Variants in ACKR4 observed in about 807,000 individuals in gnomAD.
The protein encoded by ACKR4 is atypical chemokine receptor 4.
A neutral mutation model predicts 8.5 loss-of-function variants in ACKR4; 2 were observed. That is an observed-to-expected ratio of 0.23 (90% CI 0.10 to 0.74). ACKR4 has a LOEUF of 0.74. Ranked by LOEUF, ACKR4 falls within the 30% of genes least tolerant of loss-of-function variation. The pLI is 0.75. For synonymous variants in ACKR4, 67 were observed against 145.0 expected (o/e 0.46, Z 3.86); for missense variants, 167 against 422.1 (o/e 0.40, Z 5.30).
In ACKR4 at chr3:132,598,534, C is replaced by T. The variant is rs576107556; in HGVS notation, c.-10+1211C>T. 4.6e-5 allele frequency among the ~76,000 whole-genome samples: 7 copies of T among 152,324 alleles called. No homozygotes were observed. The South Asian group carries it at 1.0e-3, about 23-fold the overall frequency. On this transcript the variant is annotated intron_variant, in intron 1 of 1. Coordinates refer to ENST00000249887, the MANE Select transcript of ACKR4 (RefSeq NM_016557.4). ...TAGAGGAACAAGGTAGTATGGGAAA[C>T]GCATCCTTTCCACAGAATGGATCAG...
chr3:132,602,602 CCTA>C lies in ACKR4; in HGVS notation c.*1156_*1158del, dbSNP rs1238308877. On this transcript the variant is annotated 3_prime_UTR_variant, in exon 2 of 2. Transcript: ENST00000249887. ...ATTATTATAATCCATGTAATATGCT[CCTA>C]CTAAAATTAAATTTTGCTAGCAATT... Among the ~76,000 whole-genome samples, 1 of 151,966 alleles carries C rather than the reference CCTA, an allele frequency of 6.6e-6. No individual in the cohort carries two copies. The highest frequency in any genetic ancestry group is 1.5e-5 in the Non-Finnish European group (1 of 67,990).
intron 1 of ACKR4, 88 bp from the exon 2 acceptor site, chr3:132,600,301 A>G: frequency 8.7e-7 from 1 of 1,149,310 alleles, no homozygotes; most frequent in East Asian, 2.6e-5. Flanking sequence ...GCTATACTCT[A>G]GGGAAAGAAC....
rs537701630 is a variant in ACKR4 at position 132,598,064 on chromosome 3, C to T, written c.-10+741C>T. ...CAAAAAAAGTTAGCAAACATAAGAA[C>T]ATTTCTTTTGAAAATGTACTATAAG... On this transcript the variant is annotated intron_variant, in intron 1 of 1. Transcript: ENST00000249887. Among the ~76,000 whole-genome samples, 9 of 152,136 alleles carry T rather than the reference C, an allele frequency of 5.9e-5. No homozygotes were observed. In the South Asian group the frequency reaches 1.9e-3, roughly 32 times the overall value.
rs150769513 is a variant in ACKR4, at chr3:132,601,048, G to T, written c.651G>T (p.Gly217=). 1.4e-5 allele frequency: 22 copies of T among 1,613,804 alleles called. No homozygotes were observed. The African/African-American group carries it at 2.8e-4, about 21-fold the overall frequency. The change falls in exon 2 of 2, where the codon GGG becomes GGT. Residue 217 remains glycine (G), a synonymous_variant. Coordinates refer to ENST00000249887, the MANE Select transcript of ACKR4 (RefSeq NM_016557.4). ...TTGTAGTACCCTTTCTTATTATGGG[G>T]GTGTGCTACTTTATCACAGCAAGGA... ...IGFVVPFLIM[G]VCYFITARTL... is the part of the protein sequence containing the mutation.
Position 132,600,907 on chromosome 3 carries a change from A to G in ACKR4, c.510A>G (p.Ile170Met), listed in dbSNP as rs1465632117. 1.2e-6 allele frequency: 2 copies of G among 1,612,186 alleles called. No individual in the cohort carries two copies. The highest frequency in any genetic ancestry group is 2.2e-5 in the South Asian group (2 of 90,830). ...GGATGGCTGCCATCTTGCTGAGCAT[A>G]CCCCAGCTGGTTTTTTATACAGTAA... ...CVWMAAILLS[I>M]PQLVFYTVND... The change falls in exon 2 of 2, where the codon ATA becomes ATG. Residue 170 changes from isoleucine (I) to methionine (M), a missense_variant. Ile to Met is a conservative substitution (Grantham distance 10). Coordinates refer to ENST00000249887, the MANE Select transcript of ACKR4 (RefSeq NM_016557.4).
At position 132,601,100 on chromosome 3, in the gene ACKR4, A is replaced by G. The variant is rs1287863044; in HGVS notation, c.703A>G (p.Ile235Val). 8.1e-6 allele frequency: 13 copies of G among 1,613,752 alleles called. No individual in the cohort carries two copies. Among genetic ancestry groups the G allele is most frequent in the Middle Eastern group, 1.6e-4 (1 of 6,078 alleles). The change falls in exon 2 of 2, where the codon ATA (isoleucine) becomes GTA (valine). Residue 235 changes from isoleucine (I) to valine (V), a missense_variant. This residue lies in a region of ACKR4 where 149 missense variants were observed against 281.9 expected (regional missense o/e 0.53). Coordinates refer to ENST00000249887, the MANE Select transcript of ACKR4 (RefSeq NM_016557.4). ...ACTCATGAAGATGCCAAACATTAAA[A>G]TATCTCGACCCCTAAAAGTTCTGCT... is the stretch of plus-strand genomic sequence containing the variant. ...RTLMKMPNIK[I>V]SRPLKVLLTV... is the part of the protein sequence containing the mutation.
rs1007852470 is a variant in ACKR4 at position 132,602,292 on chromosome 3, A to G, written c.*842A>G. On this transcript the variant is annotated 3_prime_UTR_variant, in exon 2 of 2. Transcript: ENST00000249887. Reference sequence around the variant, plus strand: ...TTGCTTCTATGATGTCAACTTTCTTACTAATAACTGGTTATCATGACAAAT... The same window carrying G: ...TTGCTTCTATGATGTCAACTTTCTTGCTAATAACTGGTTATCATGACAAAT... The G allele has an allele frequency of 6.0e-6, 1 of 166,968 alleles. No individual in the cohort carries two copies. Among genetic ancestry groups the G allele is most frequent in the East Asian group, 1.9e-4 (1 of 5,200 alleles). 10.3% of individuals were successfully genotyped at this position (166,968 alleles called of 1,614,324 possible).
chr3:132,600,425 G>C lies in ACKR4; in HGVS notation c.28G>C (p.Asp10His), dbSNP rs761684366. Reference sequence around the variant, plus strand: ...GGCTTTGGAACAGAACCAGTCAACAGATTATTATTATGAGGAAAATGAAAT... The same window carrying C: ...GGCTTTGGAACAGAACCAGTCAACACATTATTATTATGAGGAAAATGAAAT... The part of the protein sequence containing the change: MALEQNQST[D>H]YYYEENEMNG... Residue 10 changes from aspartate to histidine, a missense_variant, in exon 2 of 2, where the codon GAT (aspartate) becomes CAT (histidine). Physicochemically the swap from Asp to His is moderately conservative, Grantham distance 81. Around this residue, in one of 2 missense-constraint regions of ACKR4, gnomAD observed 149 missense variants for 281.9 expected, o/e 0.53. Coordinates refer to ENST00000249887, the MANE Select transcript of ACKR4 (RefSeq NM_016557.4). 1.2e-6 allele frequency: 2 copies of C among 1,604,564 alleles called. No homozygotes were observed. The highest frequency in any genetic ancestry group is 1.1e-5 in the South Asian group (1 of 89,306).
At chr3:132,600,093 C>T (rs996640286) in intron 1 of ACKR4, among the ~76,000 whole-genome samples, 3 of 152,018 alleles carry the variant, frequency 2.0e-5, no homozygotes, top group Admixed American at 1.3e-4. Context: ...TAAAAGTCTT[C>T]ACTTTTATTT....
At chr3:132,599,207 G>T (rs1938456971) in intron 1 of ACKR4, among the ~76,000 whole-genome samples, 1 of 151,744 alleles carries the variant, frequency 6.6e-6, no homozygotes, top group South Asian at 2.1e-4. Context: ...ATAAATAAAT[G>T]GATTAAAATT....
chr3:132,600,228 G>C, intron 1 of ACKR4, among the ~76,000 whole-genome samples, 161 bp from the exon 2 acceptor site: 1 of 152,174 alleles, frequency 6.6e-6, no homozygotes, highest in Non-Finnish European at 1.5e-5. Context: ...ATATTCCAAT[G>C]TGGCTCCCAT....
chr3:132,599,658 T>G (rs1011822416), intron 1 of ACKR4, among the ~76,000 whole-genome samples: 1 of 152,184 alleles, frequency 6.6e-6, no homozygotes, highest in South Asian at 2.1e-4. Context: ...GAATCAGAAC[T>G]TGGGAACTGA....
Position 132,600,530 on chromosome 3 carries a change from C to T in ACKR4, c.133C>T (p.Pro45Ser). Reference protein sequence around the residue: ...DVREFAKVFLPVFLTIVFVIG... With the variant: ...DVREFAKVFLSVFLTIVFVIG... ...CAGAGAATTTGCAAAAGTTTTCCTC[C>T]CTGTATTCCTCACAATAGTTTTCGT... is the stretch of plus-strand genomic sequence containing the variant. Residue 45 changes from proline to serine, a missense_variant, in exon 2 of 2, where the codon CCT (proline) becomes TCT (serine). Physicochemically the swap from Pro to Ser is moderately conservative, Grantham distance 74. Coordinates refer to ENST00000249887, the MANE Select transcript of ACKR4 (RefSeq NM_016557.4). The T allele has an allele frequency of 6.2e-7, 1 of 1,613,882 alleles. No individual in the cohort carries two copies. The highest frequency in any genetic ancestry group is 8.5e-7 in the Non-Finnish European group (1 of 1,179,848).
At position 132,597,981 on chromosome 3, in the gene ACKR4, A is replaced by G. The variant is rs185990066; in HGVS notation, c.-10+658A>G. 3.3e-5 allele frequency among the ~76,000 whole-genome samples: 5 copies of G among 152,274 alleles called. No individual in the cohort carries two copies. In the East Asian group the frequency reaches 9.6e-4, roughly 29 times the overall value. ...TGGCACCCGGTTTTTACATAATGAA[A>G]GCAATTCTTCTATGTGGTGTCTTTC... On this transcript the variant is annotated intron_variant, in intron 1 of 1. Transcript: ENST00000249887.
chr3:132,601,106 C>T lies in ACKR4; in HGVS notation c.709C>T (p.Arg237Ter), dbSNP rs779768710. 41 of 1,613,604 alleles carry T rather than the reference C, an allele frequency of 2.5e-5. No individual in the cohort carries two copies. Among genetic ancestry groups the T allele is most frequent in the African/African-American group, 4.0e-5 (3 of 74,828 alleles). The change falls in exon 2 of 2, where the codon CGA becomes TGA. Residue 237 changes from arginine (R) to a stop codon, truncating the protein, a stop_gained. Transcript: ENST00000249887. LOFTEE classifies it high-confidence loss of function. ...LMKMPNIKIS[R>*]PLKVLLTVVI... ...GAAGATGCCAAACATTAAAATATCT[C>T]GACCCCTAAAAGTTCTGCTCACAGT...
chr3:132,598,382 T>C (rs1044516988), intron 1 of ACKR4, among the ~76,000 whole-genome samples: 1 of 152,230 alleles, frequency 6.6e-6, no homozygotes, highest in Non-Finnish European at 1.5e-5. Flanking sequence ...GTAACAGCTT[T>C]ATACCTGTTG....
intron 1 of ACKR4, 23 bp from the exon 2 acceptor site, chr3:132,600,366 C>A (rs1938513561): frequency 6.5e-7 from 1 of 1,526,784 alleles, no homozygotes; most frequent in Non-Finnish European, 8.8e-7. Flanking sequence ...AAATATCTAT[C>A]CTGTATTCTC....
rs1415109973 is a variant in ACKR4 at position 132,601,291 on chromosome 3, C to G, written c.894C>G (p.Leu298=). The change falls in exon 2 of 2, where the codon CTC becomes CTG. Residue 298 remains leucine, a synonymous_variant. Transcript: ENST00000249887. Reference sequence around the variant, plus strand: ...GCATCGCACTCTTTCACAGCTGCCTCAACCCAATCCTTTATGTTTTTATGG... The same window carrying G: ...GCATCGCACTCTTTCACAGCTGCCTGAACCCAATCCTTTATGTTTTTATGG... ...TESIALFHSC[L]NPILYVFMGA... The G allele has an allele frequency of 8.1e-6, 13 of 1,613,820 alleles. No homozygotes were observed. The highest frequency in any genetic ancestry group is 1.0e-5 in the Non-Finnish European group (12 of 1,179,864).
intron 1 of ACKR4, among the ~76,000 whole-genome samples, chr3:132,598,233 A>C (rs1938402412): frequency 6.6e-6 from 1 of 152,242 alleles, no homozygotes; most frequent in Non-Finnish European, 1.5e-5. Context: ...AAAAACACTG[A>C]AAGTCATTAT....
Sources: allele counts gnomAD v4.1 joint callset (sites outside exome capture counted in the v4.1 genomes callset), GRCh38; gene constraint gnomAD v4.1.1; regional missense constraint gnomAD v4.1.1; transcripts MANE v1.5; gene names NCBI Gene and HGNC (gene_info 2026-07-23, HGNC 2026-07-21).